CNTNAP2: variants seen among roughly 807,000 people sequenced by gnomAD.
The protein encoded by CNTNAP2 is contactin-associated protein-like 2.
CNTNAP2 carries 98 observed loss-of-function variants against 155.2 expected under a neutral mutation model. The observed-to-expected ratio is 0.63, with a 90% CI of 0.54 to 0.75. The LOEUF is 0.75. Ranked by LOEUF, CNTNAP2 falls within the 30% of genes least tolerant of loss-of-function variation. The pLI is 0.00. For synonymous variants in CNTNAP2, 651 were observed against 631.2 expected (o/e 1.03, Z -0.47); for missense variants, 1,727 against 1,688.1 (o/e 1.02, Z -0.40).
chr7:148,282,604 T>C (rs892330335), intron 21 of CNTNAP2, among the ~76,000 whole-genome samples: 7 of 152,164 alleles, frequency 4.6e-5, no homozygotes, highest in African/African-American at 1.7e-4. Context: ...AAATAAAGAA[T>C]GGCTGACTCC....
At chr7:146,587,035 T>A (rs1798702874) in intron 1 of CNTNAP2, among the ~76,000 whole-genome samples, 1 of 53,060 alleles carries the variant, frequency 1.9e-5, no homozygotes, top group Admixed American at 1.3e-4. Flanking sequence ...ATTGTTTTAT[T>A]TTTTTTTTTT....
intron 13 of CNTNAP2, among the ~76,000 whole-genome samples, chr7:147,767,239 C>A (rs112195614): frequency 8.9e-4 from 135 of 152,046 alleles, no homozygotes; most frequent in African/African-American, 3.0e-3. Context: ...CACTGTACTA[C>A]CTAAAAGCAA....
intron 11 of CNTNAP2, among the ~76,000 whole-genome samples, chr7:147,541,556 C>T (rs529467414): frequency 7.9e-5 from 12 of 152,220 alleles, no homozygotes; most frequent in South Asian, 2.1e-4. Flanking sequence ...ATGAACAACT[C>T]GCTCCCAAAT....
At chr7:147,857,635 G>T (rs17234350) in intron 13 of CNTNAP2, among the ~76,000 whole-genome samples, 5,012 of 152,310 alleles carry the variant, frequency 0.033, 139 homozygotes, top group Non-Finnish European at 0.052. Flanking sequence ...GCTTTCGGTT[G>T]ATTCTTGATG....
intron 13 of CNTNAP2, among the ~76,000 whole-genome samples, chr7:147,658,855 T>A (rs1267560462): frequency 6.6e-6 from 1 of 152,156 alleles, no homozygotes; most frequent in African/African-American, 2.4e-5. Context: ...CAGGCTACAG[T>A]GGGGTCTTGC....
At chr7:146,583,805 C>A (rs1341950821) in intron 1 of CNTNAP2, among the ~76,000 whole-genome samples, 1 of 152,132 alleles carries the variant, frequency 6.6e-6, no homozygotes, top group South Asian at 2.1e-4. Flanking sequence ...AATGATATAA[C>A]CCTTTGAAAT....
intron 20 of CNTNAP2, among the ~76,000 whole-genome samples, chr7:148,240,030 A>G (rs1796117062): frequency 6.6e-6 from 1 of 152,216 alleles, no homozygotes; most frequent in African/African-American, 2.4e-5. Context: ...CCAAACAGCA[A>G]TCGTTTCTGA....
rs181966637 is a variant in CNTNAP2, at chr7:147,759,741, C to T, written c.2098+120435C>T. ...TTTCTAAGTGATGCATGTAGGCCATCGTTTCCACAAGGAAGCCATTGTGGT... is the reference window on the plus strand; with the variant it reads ...TTTCTAAGTGATGCATGTAGGCCATTGTTTCCACAAGGAAGCCATTGTGGT... On this transcript the variant is annotated intron_variant, in intron 13 of 23. Transcript: ENST00000361727. 3.3e-5 allele frequency among the ~76,000 whole-genome samples: 5 copies of T among 152,176 alleles called. No individual in the cohort carries two copies. In the South Asian group the frequency reaches 6.2e-4, roughly 19 times the overall value.
chr7:146,511,760 G>T lies in CNTNAP2; in HGVS notation c.98-262511G>T, dbSNP rs898336378. Among the ~76,000 whole-genome samples, 9 of 152,106 alleles carry T rather than the reference G, an allele frequency of 5.9e-5. 1 individual carries two copies. Among genetic ancestry groups the T allele is most frequent in the Admixed American group, 2.0e-4 (3 of 15,272 alleles). On this transcript the variant is annotated intron_variant, in intron 1 of 23. Transcript: ENST00000361727. ...TCCTTTTTTGTGTTGTCCTTGCATG[G>T]ATTTGGTATCAGCATAATTCTGGCC...
chr7:147,234,711 T>C (rs1190282672), intron 8 of CNTNAP2, among the ~76,000 whole-genome samples: 1 of 152,158 alleles, frequency 6.6e-6, no homozygotes, highest in African/African-American at 2.4e-5. Flanking sequence ...ATCCTTAATT[T>C]CCCTCAGCCT....
chr7:146,739,650 T>A (rs1387926504), intron 1 of CNTNAP2, among the ~76,000 whole-genome samples: 1 of 152,016 alleles, frequency 6.6e-6, no homozygotes, highest in African/African-American at 2.4e-5. Flanking sequence ...TATTTATATG[T>A]CTGTTACATA....
chr7:147,390,752 C>T (rs891875364), intron 9 of CNTNAP2, among the ~76,000 whole-genome samples: 2 of 152,074 alleles, frequency 1.3e-5, no homozygotes, highest in African/African-American at 2.4e-5. Flanking sequence ...TTCTGTGTCA[C>T]ACGGAGCAGC....
chr7:146,755,289 G>A (rs936705249), intron 1 of CNTNAP2, among the ~76,000 whole-genome samples: 2 of 152,022 alleles, frequency 1.3e-5, no homozygotes, highest in African/African-American at 2.4e-5. Flanking sequence ...GCAATCTATA[G>A]GAAATTATAT....
chr7:146,653,937 AT>A (rs1799955848), intron 1 of CNTNAP2, among the ~76,000 whole-genome samples: 1 of 152,056 alleles, frequency 6.6e-6, no homozygotes, highest in African/African-American at 2.4e-5. Context: ...TTAGTGCTTT[AT>A]TACTGCCCTC....
At chr7:146,348,832 T>C (rs866335549) in intron 1 of CNTNAP2, among the ~76,000 whole-genome samples, 2 of 148,440 alleles carry the variant, frequency 1.3e-5, no homozygotes, top group Non-Finnish European at 3.0e-5. Context: ...ATATATGTTA[T>C]ATATTATATA....
At chr7:146,483,145 G>C (rs1409692279) in intron 1 of CNTNAP2, among the ~76,000 whole-genome samples, 1 of 149,622 alleles carries the variant, frequency 6.7e-6, no homozygotes, top group Non-Finnish European at 1.5e-5. Flanking sequence ...GCATGGTGGC[G>C]GGCGCCTGTA....
rs78838199 is a variant in CNTNAP2 at position 147,049,870 on chromosome 7, A to G, written c.550+5816A>G. ...CATCTTTCCTTTGTGCAGTTCCTCC[A>G]TGATCACTTTGTCATCTGAGAAATG... On this transcript the variant is annotated intron_variant, in intron 4 of 23. Transcript: ENST00000361727. Among the ~76,000 whole-genome samples, 45 of 152,296 alleles carry G rather than the reference A, an allele frequency of 3.0e-4. No homozygotes were observed. The East Asian group carries it at 7.7e-3, about 26-fold the overall frequency.
At chr7:147,623,378 T>A (rs1373435303) in intron 12 of CNTNAP2, among the ~76,000 whole-genome samples, 1 of 152,026 alleles carries the variant, frequency 6.6e-6, no homozygotes, top group Non-Finnish European at 1.5e-5. Flanking sequence ...ACAAAAAAAC[T>A]ATTAGAACTG....
At chr7:147,867,085 A>G (rs772646419) in intron 13 of CNTNAP2, among the ~76,000 whole-genome samples, 2 of 152,118 alleles carry the variant, frequency 1.3e-5, no homozygotes, top group African/African-American at 2.4e-5. Context: ...AGTGGATGAT[A>G]CCGGTTGTTT....
Sources: gnomAD v4.1 joint callset for allele counts (sites outside exome capture counted in the v4.1 genomes callset) on GRCh38, gnomAD v4.1.1 for gene constraint, MANE v1.5 for transcripts, NCBI Gene and HGNC (gene_info 2026-07-23, HGNC 2026-07-21) for gene names.